Variants in LINGO3 observed in about 807,000 individuals in gnomAD.
The protein encoded by LINGO3 is leucine-rich repeat and immunoglobulin-like domain-containing nogo receptor-interacting protein 3.
For missense variants in LINGO3, 750 were observed against 867.7 expected (o/e 0.86, Z 1.70); for synonymous variants, 427 against 444.2 (o/e 0.96, Z 0.49).
the LINGO3 span, among the ~76,000 whole-genome samples, chr19:2,307,883 C>G: frequency 6.6e-6 from 1 of 152,152 alleles, no homozygotes; most frequent in East Asian, 1.9e-4. Flanking sequence ...GAGTTCGCCC[C>G]CAAAGTTTCC....
downstream of LINGO3, among the ~76,000 whole-genome samples, chr19:2,289,512 G>A (rs2025496823): frequency 6.6e-6 from 1 of 152,074 alleles, no homozygotes. Context: ...GACTTTCTGC[G>A]CACCCTCCCC....
At chr19:2,289,620 G>A (rs1455640695), downstream of LINGO3, among the ~76,000 whole-genome samples, 1 of 152,012 alleles carries the variant, frequency 6.6e-6, no homozygotes, top group African/African-American at 2.4e-5. Flanking sequence ...CAGGGCTTGG[G>A]GGCAGCAGTC....
In LINGO3 at chr19:2,290,559, T is replaced by C; in HGVS notation, c.1218A>G (p.Lys406=). 1 of 1,549,688 alleles carries C rather than the reference T, an allele frequency of 6.5e-7. No homozygotes were observed. Residue 406 remains lysine, a synonymous_variant, in exon 1 of 1, where the codon AAA becomes AAG. Coordinates refer to ENST00000585527, the Ensembl canonical transcript of LINGO3. This position sits in a 1 kb window ranked among gnomAD's most constrained non-coding sequence, Gnocchi z 6.0. ...GCAGCCGCCGCTCCCGGATCTTGGGTTTGCGGCACACGAAGTACTCGAACA... is the reference window on the plus strand; with the variant it reads ...GCAGCCGCCGCTCCCGGATCTTGGGCTTGCGGCACACGAAGTACTCGAACA...
exon 1 of LINGO3, chr19:2,291,053 T>G (rs1165163593): frequency 6.2e-7 from 1 of 1,610,220 alleles, no homozygotes; most frequent in African/African-American, 1.3e-5. Context: ...CCCCGCAGGC[T>G]GCCCGCCGCC....
exon 1 of LINGO3, chr19:2,291,565 G>C: frequency 6.3e-7 from 1 of 1,581,250 alleles, no homozygotes; most frequent in Non-Finnish European, 8.6e-7. Flanking sequence ...CAGGTCGCCC[G>C]GGTTCAGGCA....
rs893325801 is a variant in LINGO3 at position 2,290,361 on chromosome 19, C to A, written c.1416G>T (p.Pro472=). Reference sequence around the variant, plus strand: ...CGCACGTGTAGGTGCCGCTGTCCTGCGGCCGCGCGTCCTGGATCTCCAGCG... The same window carrying A: ...CGCACGTGTAGGTGCCGCTGTCCTGAGGCCGCGCGTCCTGGATCTCCAGCG... Residue 472 remains proline, a synonymous_variant, in exon 1 of 1, where the codon CCG becomes CCT. Transcript: ENST00000585527. This position sits in a 1 kb window ranked among gnomAD's most constrained non-coding sequence, Gnocchi z 6.0. The A allele has an allele frequency of 6.7e-7, 1 of 1,494,266 alleles. No homozygotes were observed. The highest frequency in any genetic ancestry group is 1.5e-5 in the African/African-American group (1 of 68,828). 92.6% of individuals were successfully genotyped at this position (1,494,266 alleles called of 1,614,324 possible).
chr19:2,291,127 T>A (rs1278863895), exon 1 of LINGO3: 3 of 1,607,844 alleles, frequency 1.9e-6, no homozygotes, highest in Non-Finnish European at 2.5e-6. Flanking sequence ...CCTGCGGAAG[T>A]TCTGGTCCTC....
At chr19:2,294,297 C>T (rs2025554486), upstream of LINGO3, among the ~76,000 whole-genome samples, 1 of 152,142 alleles carries the variant, frequency 6.6e-6, no homozygotes. The surrounding 1 kb of genome is among the most constrained non-coding windows in gnomAD (Gnocchi z 4.3). Context: ...AGCCACAAGC[C>T]GGGGATTGCT....
rs1006849686 is a variant in LINGO3 at position 2,290,413 on chromosome 19, C to G, written c.1364G>C (p.Gly455Ala). The change falls in exon 1 of 1, where the codon GGC becomes GCC. Residue 455 changes from glycine (G) to alanine (A), a missense_variant. Transcript: ENST00000585527. This position sits in a 1 kb window ranked among gnomAD's most constrained non-coding sequence, Gnocchi z 6.0. ...CCCCCCGGGGAGCACGCGCGCCCGG[C>G]CCGCGCTGGTGGCCGTCACCGGCCG... The G allele has an allele frequency of 7.0e-7, 1 of 1,424,602 alleles. No homozygotes were observed. Among genetic ancestry groups the G allele is most frequent in the Non-Finnish European group, 9.1e-7 (1 of 1,097,228 alleles). 88.2% of individuals were successfully genotyped at this position (1,424,602 alleles called of 1,614,324 possible). A position where few individuals can be genotyped will look rare whatever the true frequency, so the allele number is the denominator to read the frequency against.
chr19:2,300,234 G>T, the LINGO3 span, among the ~76,000 whole-genome samples: 59 of 151,602 alleles, frequency 3.9e-4, 1 homozygote. Context: ...GTTTCACCTT[G>T]TTGGCCAGGC....
chr19:2,302,976 G>A, the LINGO3 span, among the ~76,000 whole-genome samples: 2 of 152,238 alleles, frequency 1.3e-5, no homozygotes, highest in South Asian at 4.1e-4. Flanking sequence ...GCAGACGCCC[G>A]CAGCACCACA....
chr19:2,293,451 C>T (rs1225680228), upstream of LINGO3, among the ~76,000 whole-genome samples: 1 of 151,444 alleles, frequency 6.6e-6, no homozygotes, highest in Non-Finnish European at 1.5e-5. Flanking sequence ...TCCCCCTCCC[C>T]AGGGTTTAAG....
chr19:2,289,158 T>C (rs1290744302), downstream of LINGO3, among the ~76,000 whole-genome samples: 1 of 150,848 alleles, frequency 6.6e-6, no homozygotes, highest in Non-Finnish European at 1.5e-5. Flanking sequence ...GAGCTGTGTG[T>C]CCCGGGTGTG....
Position 2,290,894 on chromosome 19 carries a change from G to C in LINGO3, c.883C>G (p.Arg295Gly), listed in dbSNP as rs1469324884. ...CCGGCCAGGTGCAGCTCGCGCAGGC[G>C]GACCAGGTCCCGGAACGACCCCCGC... The change falls in exon 1 of 1, where the codon CGC becomes GGC. Residue 295 changes from arginine to glycine, a missense_variant. By Grantham distance (125) the Arg-to-Gly change is moderately radical. Coordinates refer to ENST00000585527, the Ensembl canonical transcript of LINGO3. This position sits in a 1 kb window ranked among gnomAD's most constrained non-coding sequence, Gnocchi z 6.0. The C allele has an allele frequency of 1.9e-6, 3 of 1,611,240 alleles. No individual in the cohort carries two copies. Among genetic ancestry groups the C allele is most frequent in the East Asian group, 2.2e-5 (1 of 44,816 alleles).
the LINGO3 span, among the ~76,000 whole-genome samples, chr19:2,304,443 A>G: frequency 6.6e-6 from 1 of 152,146 alleles, no homozygotes; most frequent in Non-Finnish European, 1.5e-5. Flanking sequence ...TACATGGAAA[A>G]AGGGCCTCTG....
chr19:2,289,972 A>G, exon 1 of LINGO3: 1 of 1,442,978 alleles, frequency 6.9e-7, no homozygotes, highest in African/African-American at 1.5e-5. Context: ...GGGGGAGGGG[A>G]GGGGAGGGTC....
the LINGO3 span, among the ~76,000 whole-genome samples, chr19:2,302,677 C>T: frequency 6.6e-6 from 1 of 152,242 alleles, no homozygotes; most frequent in Non-Finnish European, 1.5e-5. Flanking sequence ...TCTGGGGGAG[C>T]GCGGCGTCGA....
chr19:2,306,016 G>A, the LINGO3 span, among the ~76,000 whole-genome samples: 1 of 152,204 alleles, frequency 6.6e-6, no homozygotes. Flanking sequence ...GGGGCTGGGG[G>A]CCTCCCGACC....
At chr19:2,291,817 G>T in exon 1 of LINGO3, 1 of 1,453,552 alleles carries the variant, frequency 6.9e-7, no homozygotes, top group Non-Finnish European at 9.1e-7. Flanking sequence ...CCATCCTCCT[G>T]CGCACCTGCG....
Sources: gnomAD v4.1 joint callset for allele counts (sites outside exome capture counted in the v4.1 genomes callset) on GRCh38, gnomAD v4.1.1 for gene constraint, Gnocchi (gnomAD v3.1) non-coding constraint, MANE v1.5 for transcripts, NCBI Gene and HGNC (gene_info 2026-07-23, HGNC 2026-07-21) for gene names.